RGS3: variants seen among roughly 807,000 people sequenced by gnomAD.
RGS3 encodes regulator of G-protein signalling 3.
In RGS3, 80 loss-of-function variants were observed where a neutral mutation model predicts 132.6. The ratio of observed to expected loss-of-function variants is 0.60; its 90% CI spans 0.50 to 0.73. The LOEUF is 0.73. RGS3 is among the 30% of genes least tolerant of loss of function. RGS3 has a pLI of 0.00. For missense variants in RGS3, 1,382 were observed against 1,530.8 expected, an observed-to-expected ratio of 0.90 and a Z score of 1.62; for synonymous variants, 598 against 620.6, an observed-to-expected ratio of 0.96 and a Z score of 0.54.
intron 10 of RGS3, among the ~76,000 whole-genome samples, chr9:113,500,069 C>T (rs1198176168): frequency 6.6e-6 from 1 of 152,198 alleles, no homozygotes; most frequent in East Asian, 1.9e-4. Flanking sequence ...TCCAACATCA[C>T]AGGTTTCTTG....
In RGS3 at chr9:113,565,672, G is replaced by A. The variant is rs1038848010; in HGVS notation, c.2038-17778G>A. ...GGAGGAGCCGGGTGGAAACCTGGGCGGGCGAGCTGGCAGGAGCGGCAGCCA... is the reference window on the plus strand; with the variant it reads ...GGAGGAGCCGGGTGGAAACCTGGGCAGGCGAGCTGGCAGGAGCGGCAGCCA... On this transcript the variant is annotated intron_variant, in intron 19 of 24. Coordinates refer to ENST00000350696, the Ensembl canonical transcript of RGS3. This position sits in a 1 kb window ranked among gnomAD's most constrained non-coding sequence, Gnocchi z 5.7. The A allele has an allele frequency of 1.1e-5, 3 of 277,628 alleles. No homozygotes were observed. The highest frequency in any genetic ancestry group is 1.1e-4 in the East Asian group (1 of 9,506). The allele number at this position is 277,628 out of a possible 1,614,324, so 17.2% of individuals were successfully genotyped here. A position where few individuals can be genotyped will look rare whatever the true frequency, so the allele number is the denominator to read the frequency against.
intron 19 of RGS3, among the ~76,000 whole-genome samples, chr9:113,577,754 C>T (rs984276134): frequency 3.3e-5 from 5 of 152,198 alleles, no homozygotes; most frequent in African/African-American, 1.2e-4. Flanking sequence ...TTTCGGTCTC[C>T]AGCCATTCCA....
chr9:113,541,172 C>A, intron 19 of RGS3: 1 of 766,578 alleles, frequency 1.3e-6, no homozygotes, highest in Non-Finnish European at 2.1e-6. Flanking sequence ...TGCGTGCCAC[C>A]TTGTCATCTC....
chr9:113,565,343 G>A lies in RGS3; in HGVS notation c.2038-18107G>A, dbSNP rs1270954459. 3.9e-6 allele frequency: 5 copies of A among 1,289,744 alleles called. No homozygotes were observed. Among genetic ancestry groups the A allele is most frequent in the African/African-American group, 3.0e-5 (2 of 65,804 alleles). The allele number at this position is 1,289,744 out of a possible 1,614,324, so 79.9% of individuals were successfully genotyped here. On this transcript the variant is annotated intron_variant, in intron 19 of 24. Coordinates refer to ENST00000350696, the Ensembl canonical transcript of RGS3. This position sits in a 1 kb window ranked among gnomAD's most constrained non-coding sequence, Gnocchi z 5.7. ...AAATCCAGCCTCTCTCCAGAGTGGC[G>A]GTGGCCGGCTAGACAGGGTGTGTGT... is the stretch of plus-strand genomic sequence containing the variant.
chr9:113,541,358 G>GC (rs1265816771), intron 19 of RGS3: 23 of 1,613,762 alleles, frequency 1.4e-5, no homozygotes, highest in African/African-American at 2.7e-5. Context: ...AGGAGATGGG[G>GC]CCGGTCAACT....
At chr9:113,497,906 C>A in intron 9 of RGS3, 119 bp from the exon 8 acceptor site, 1 of 936,448 alleles carries the variant, frequency 1.1e-6, no homozygotes, top group Non-Finnish European at 1.7e-6. Flanking sequence ...ATCCTGAGGC[C>A]AGGAGTGGCC....
chr9:113,535,226 T>C (rs1832630394), intron 18 of RGS3, among the ~76,000 whole-genome samples: 1 of 151,980 alleles, frequency 6.6e-6, no homozygotes, highest in African/African-American at 2.4e-5. Context: ...CAGGCTGGGG[T>C]ACAGTGGTGC....
intron 19 of RGS3, among the ~76,000 whole-genome samples, chr9:113,543,734 GA>G (rs1832995660): frequency 6.6e-6 from 1 of 152,218 alleles, no homozygotes; most frequent in East Asian, 1.9e-4. Context: ...TGGCCACAAA[GA>G]AATGGACAGT....
At chr9:113,596,015 T>G (rs550312341) in intron 24 of RGS3, among the ~76,000 whole-genome samples, 2 of 152,346 alleles carry the variant, frequency 1.3e-5, no homozygotes, top group East Asian at 3.9e-4. Flanking sequence ...TGCGTTCTCA[T>G]GTTTAATCCA....
rs919313781 is a variant in RGS3, at chr9:113,463,557, C to T, written c.415+1356C>T. 1 of 326,032 alleles carries T rather than the reference C, an allele frequency of 3.1e-6. No homozygotes were observed. 20.2% of individuals were successfully genotyped at this position (326,032 alleles called of 1,614,324 possible). A position where few individuals can be genotyped will look rare whatever the true frequency, so the allele number is the denominator to read the frequency against. On this transcript the variant is annotated intron_variant, in intron 3 of 24. Transcript: ENST00000350696. This position sits in a 1 kb window ranked among gnomAD's most constrained non-coding sequence, Gnocchi z 4.6. The stretch of plus-strand genomic sequence containing the variant: ...TGCTGGCTCCTTGGGTGGCTGCCGT[C>T]GCTGCTCAGCGCGGGTCGGCGGCGC...
intron 19 of RGS3, among the ~76,000 whole-genome samples, chr9:113,561,171 A>T (rs2118815730): frequency 6.6e-6 from 1 of 152,184 alleles, no homozygotes; most frequent in South Asian, 2.1e-4. Flanking sequence ...TTAGAGGCAC[A>T]TGCCACCATG....
intron 14 of RGS3, among the ~76,000 whole-genome samples, chr9:113,510,611 A>G (rs945304337): frequency 3.9e-5 from 6 of 152,126 alleles, no homozygotes; most frequent in Non-Finnish European, 7.4e-5. Flanking sequence ...TTCTCAGTTG[A>G]GAGGTACTTC....
At chr9:113,559,087 C>G (rs1485017529) in intron 19 of RGS3, among the ~76,000 whole-genome samples, 1 of 152,236 alleles carries the variant, frequency 6.6e-6, no homozygotes, top group African/African-American at 2.4e-5. Context: ...GGCTTGGGCT[C>G]AAGCCCAACA....
At chr9:113,595,224 G>A (rs1835701551) in intron 23 of RGS3, 1 of 588,420 alleles carries the variant, frequency 1.7e-6, no homozygotes, top group Non-Finnish European at 3.0e-6. Flanking sequence ...CGTGGGACCT[G>A]TGTGCTCAGA....
upstream of RGS3, chr9:113,460,115 A>G: frequency 1.8e-6 from 1 of 555,270 alleles, no homozygotes. Context: ...TTTTCTGTAT[A>G]CATTTTGCCA....
At chr9:113,478,644 A>G (rs1230762422) in intron 3 of RGS3, among the ~76,000 whole-genome samples, 2 of 152,118 alleles carry the variant, frequency 1.3e-5, no homozygotes, top group Admixed American at 1.3e-4. Flanking sequence ...CCCCTTCTGT[A>G]CAAAAAATTA....
intron 16 of RGS3, among the ~76,000 whole-genome samples, chr9:113,520,150 C>T (rs1831870050): frequency 6.6e-6 from 1 of 152,208 alleles, no homozygotes; most frequent in African/African-American, 2.4e-5. Context: ...CAGATGTGTC[C>T]TTGGAGCAAG....
chr9:113,567,037 A>G (rs1006829817), intron 19 of RGS3, among the ~76,000 whole-genome samples: 12 of 152,376 alleles, frequency 7.9e-5, no homozygotes, highest in Admixed American at 5.9e-4. Context: ...GCTTCTGAGA[A>G]GCAGGCAGAT....
intron 19 of RGS3, among the ~76,000 whole-genome samples, chr9:113,556,627 C>G (rs1213504331): frequency 6.6e-6 from 1 of 152,164 alleles, no homozygotes; most frequent in Non-Finnish European, 1.5e-5. Flanking sequence ...AAACTATACT[C>G]CCTGCCTGTC....
Sources: allele counts gnomAD v4.1 joint callset (sites outside exome capture counted in the v4.1 genomes callset), GRCh38; gene constraint gnomAD v4.1.1; non-coding constraint Gnocchi (gnomAD v3.1); transcripts MANE v1.5; gene names NCBI Gene and HGNC (gene_info 2026-07-23, HGNC 2026-07-21).